The following TBC1D15 variants were observed in gnomAD, a reference collection of about 807,000 sequenced individuals.
The protein encoded by TBC1D15 is GAP for RAB7.
A neutral mutation model predicts 95.4 loss-of-function variants in TBC1D15; 39 were observed. The ratio of observed to expected loss-of-function variants is 0.41; its 90% CI spans 0.32 to 0.53. TBC1D15 has a LOEUF of 0.53. Ranked by LOEUF, TBC1D15 falls within the 20% of genes least tolerant of loss-of-function variation. The probability of loss-of-function intolerance (pLI) is 0.29; values close to 1 mark genes in which losing one functional copy is unlikely to be tolerated. For missense variants in TBC1D15, 733 were observed against 794.3 expected, an observed-to-expected ratio of 0.92 and a Z score of 0.93; for synonymous variants, 258 against 261.3, an observed-to-expected ratio of 0.99 and a Z score of 0.12.
At chr12:71,913,745 G>GA in intron 11 of TBC1D15, 81 bp from the exon 12 acceptor site, 1 of 877,234 alleles carries the variant, frequency 1.1e-6, no homozygotes, top group Non-Finnish European at 1.8e-6. Context: ...AATTTTAAGC[G>GA]AAATGGTGGT....
intron 1 of TBC1D15, among the ~76,000 whole-genome samples, chr12:71,852,983 C>T (rs1233462868): frequency 6.6e-6 from 1 of 152,114 alleles, no homozygotes. Context: ...ATAGCAATGC[C>T]CATTTCTGAT....
chr12:71,897,659 C>T lies in TBC1D15; in HGVS notation c.1089-188C>T, dbSNP rs113857865. ...ATCACATAAACTTTGTGATATTTAT[C>T]GGTTATTTTTTTCTTTTGTTTTCAC... On this transcript the variant is annotated intron_variant, in intron 9 of 16. Coordinates refer to ENST00000485960, the MANE Select transcript of TBC1D15 (RefSeq NM_001146213.3). Among the ~76,000 whole-genome samples the T allele has an allele frequency of 2.5e-3, 385 of 151,920 alleles. 1 individual carries two copies. The highest frequency in any genetic ancestry group is 8.8e-3 in the African/African-American group (366 of 41,516).
intron 1 of TBC1D15, chr12:71,850,238 TC>T: frequency 1.8e-6 from 1 of 554,270 alleles, no homozygotes; most frequent in South Asian, 1.5e-5. Flanking sequence ...TCAGTTTTCT[TC>T]CTTTCAAAAG....
chr12:71,920,765 ATCT>A lies in TBC1D15; in HGVS notation c.1641_1643del (p.Leu548del), dbSNP rs777903951. The A allele has an allele frequency of 2.5e-6, 4 of 1,612,992 alleles. No homozygotes were observed. Among genetic ancestry groups the A allele is most frequent in the East Asian group, 2.2e-5 (1 of 44,768 alleles). On this transcript the variant is annotated inframe_deletion, in exon 15 of 17. Coordinates refer to ENST00000485960, the MANE Select transcript of TBC1D15 (RefSeq NM_001146213.3). ...ACCGAACTACCATGTACAAATTTCC[ATCT>A]TCTTCTCTGTTGTGCTATTCTGGAA...
chr12:71,871,840 C>A (rs1892766580), intron 1 of TBC1D15, among the ~76,000 whole-genome samples: 1 of 152,212 alleles, frequency 6.6e-6, no homozygotes, highest in Admixed American at 6.5e-5. Flanking sequence ...TTGTGATTAT[C>A]ACGAATCTGA....
At chr12:71,875,581 C>G (rs1239128820) in intron 3 of TBC1D15, among the ~76,000 whole-genome samples, 1 of 151,764 alleles carries the variant, frequency 6.6e-6, no homozygotes, top group Non-Finnish European at 1.5e-5. Flanking sequence ...GCTTCCACAT[C>G]AAGTCTCCAT....
At chr12:71,919,518 A>G (rs1868427263) in intron 14 of TBC1D15, among the ~76,000 whole-genome samples, 1 of 152,148 alleles carries the variant, frequency 6.6e-6, no homozygotes, top group Admixed American at 6.5e-5. Context: ...GGATTCCTAT[A>G]CTATTGATGG....
chr12:71,880,344 GT>G, intron 3 of TBC1D15, 124 bp from the exon 4 acceptor site: 1 of 671,432 alleles, frequency 1.5e-6, no homozygotes, highest in Non-Finnish European at 2.4e-6. Context: ...ATAGGAAATG[GT>G]GTTCAGTTTT....
chr12:71,868,865 C>G (rs1378131117), intron 1 of TBC1D15: 2 of 152,104 alleles, frequency 1.3e-5, no homozygotes. Context: ...TTAGGAAGTT[C>G]CCGACTATTC....
At chr12:71,841,001 A>G (rs968547669) in intron 1 of TBC1D15, 1 of 152,158 alleles carries the variant, frequency 6.6e-6, no homozygotes. Context: ...AAAATTACAC[A>G]CTTGTACCTA....
intron 5 of TBC1D15, among the ~76,000 whole-genome samples, chr12:71,888,220 A>G (rs1201394741): frequency 1.3e-5 from 2 of 152,232 alleles, no homozygotes; most frequent in African/African-American, 4.8e-5. Context: ...ACACTGGCCT[A>G]TGCCTGTAAT....
chr12:71,879,963 T>C (rs1222134883), intron 3 of TBC1D15, among the ~76,000 whole-genome samples: 1 of 152,222 alleles, frequency 6.6e-6, no homozygotes, highest in Non-Finnish European at 1.5e-5. Context: ...TCTTTAAAGA[T>C]GGAAAATTCT....
chr12:71,847,088 T>C (rs187992604), intron 1 of TBC1D15, among the ~76,000 whole-genome samples: 1 of 152,226 alleles, frequency 6.6e-6, no homozygotes, highest in African/African-American at 2.4e-5. Flanking sequence ...ACAATTGATA[T>C]GATAGACCAC....
intron 1 of TBC1D15, among the ~76,000 whole-genome samples, chr12:71,852,921 CCT>C (rs1227347120): frequency 3.3e-5 from 5 of 152,170 alleles, no homozygotes; most frequent in Admixed American, 3.3e-4. Flanking sequence ...ACTCTTCTGA[CCT>C]CTGTCTGTTA....
intron 5 of TBC1D15, among the ~76,000 whole-genome samples, chr12:71,889,927 G>C (rs1309635342): frequency 6.6e-6 from 1 of 152,098 alleles, no homozygotes; most frequent in African/African-American, 2.4e-5. Context: ...TTTGCTTTAG[G>C]AAAATAGCCT....
At chr12:71,909,476 A>G (rs1901637453) in intron 11 of TBC1D15, among the ~76,000 whole-genome samples, 1 of 152,206 alleles carries the variant, frequency 6.6e-6, no homozygotes, top group African/African-American at 2.4e-5. Flanking sequence ...GAATGCGGAT[A>G]CTACAGAAAG....
chr12:71,893,285 T>C lies in TBC1D15; in HGVS notation c.618T>C (p.Phe206=), dbSNP rs1483095584. The C allele has an allele frequency of 2.5e-6, 4 of 1,610,472 alleles. No individual in the cohort carries two copies. The South Asian group carries it at 4.4e-5, about 18-fold the overall frequency. ...AGAATAAGAGTCTTTCACAGTCTTT[T>C]GAAAATCTTCTTGATGAGCCAGCAT... ...NCQNKSLSQS[F]ENLLDEPAYG... The change falls in exon 6 of 17, where the codon TTT becomes TTC. Residue 206 remains phenylalanine, a synonymous_variant. Transcript: ENST00000485960.
chr12:71,856,577 CT>C (rs913542588), intron 1 of TBC1D15, among the ~76,000 whole-genome samples: 5 of 151,712 alleles, frequency 3.3e-5, no homozygotes, highest in African/African-American at 1.2e-4. Context: ...ATATTTTTTT[CT>C]TTTTTTTCCT....
At chr12:71,921,283 T>C in intron 15 of TBC1D15, 85 bp from the exon 16 acceptor site, 1 of 630,616 alleles carries the variant, frequency 1.6e-6, no homozygotes, top group Non-Finnish European at 2.4e-6. Context: ...TGCAGTGAAA[T>C]ATAACTGGTA....
Sources: gnomAD v4.1 joint callset for allele counts (sites outside exome capture counted in the v4.1 genomes callset) on GRCh38, gnomAD v4.1.1 for gene constraint, MANE v1.5 for transcripts, NCBI Gene and HGNC (gene_info 2026-07-23, HGNC 2026-07-21) for gene names.